The following GRIA3 variants were observed in gnomAD, a reference collection of about 807,000 sequenced individuals.
GRIA3 encodes glutamate ionotropic receptor AMPA type subunit 3, also known as glutamate receptor 3.
In GRIA3, 3 loss-of-function variants were observed where a neutral mutation model predicts 63.0. That is an observed-to-expected ratio of 0.05 (90% CI 0.02 to 0.12). The LOEUF (loss-of-function observed/expected upper bound fraction) is 0.12. Ranked by LOEUF, GRIA3 falls within the 10% of genes least tolerant of loss-of-function variation. The probability of loss-of-function intolerance (pLI) is 1.00; values close to 1 mark genes in which losing one functional copy is unlikely to be tolerated. For missense variants in GRIA3, 347 were observed against 700.9 expected (o/e 0.50, Z 5.70); for synonymous variants, 274 against 257.9 (o/e 1.06, Z -0.60).
intron 4 of GRIA3, among the ~76,000 whole-genome samples, chrX:123,348,526 A>T (rs1603105570): frequency 8.9e-6 from 1 of 111,910 alleles, no homozygotes; most frequent in Non-Finnish European, 1.9e-5. Flanking sequence ...CCAAATATAA[A>T]CAGGGTGCCA....
At chrX:123,409,256 A>G (rs1000818373) in intron 10 of GRIA3, among the ~76,000 whole-genome samples, 14 of 112,357 alleles carry the variant, frequency 1.2e-4, no homozygotes, top group African/African-American at 4.5e-4. Context: ...CAGAGTGGAA[A>G]GAATGAAAAA....
chrX:123,462,181 T>C (rs1455407443), intron 12 of GRIA3, among the ~76,000 whole-genome samples: 2 of 111,611 alleles, frequency 1.8e-5, no homozygotes, highest in African/African-American at 6.5e-5. Flanking sequence ...CTAATTTCCC[T>C]TTCTTCCACT....
chrX:123,265,255 G>A (rs1363021834), intron 3 of GRIA3, among the ~76,000 whole-genome samples: 1 of 112,038 alleles, frequency 8.9e-6, no homozygotes, highest in African/African-American at 3.2e-5. Context: ...TAACATGGGA[G>A]TAGGGGGTTT....
chrX:123,229,512 C>A (rs1302889885), intron 2 of GRIA3, among the ~76,000 whole-genome samples: 1 of 112,125 alleles, frequency 8.9e-6, no homozygotes, highest in Non-Finnish European at 1.9e-5. Flanking sequence ...TGTGCTCGTT[C>A]CCTCAGCAGC....
intron 2 of GRIA3, among the ~76,000 whole-genome samples, chrX:123,201,871 C>A (rs1016399478): frequency 1.8e-5 from 2 of 111,485 alleles, no homozygotes; most frequent in Admixed American, 1.9e-4. Flanking sequence ...AGTGATGGGT[C>A]GGGGGAGGAT....
At chrX:123,463,712 G>GAA (rs1160505752) in intron 12 of GRIA3, among the ~76,000 whole-genome samples, 3 of 96,047 alleles carry the variant, frequency 3.1e-5, no homozygotes, top group East Asian at 6.4e-4. Context: ...AAGAAAGAAA[G>GAA]AAAGAAAGAA....
chrX:123,284,216 G>C (rs1391307243), intron 3 of GRIA3, among the ~76,000 whole-genome samples: 1 of 112,179 alleles, frequency 8.9e-6, no homozygotes, highest in Admixed American at 9.4e-5. Context: ...TCAACAAAAA[G>C]GATGTCCACA....
rs1603136113 is a variant in GRIA3 at position 123,403,161 on chromosome X, A to C, written c.1185+63A>C. 6.0e-6 allele frequency: 4 copies of C among 665,536 alleles called. No homozygotes were observed. In the East Asian group the frequency reaches 1.3e-4, roughly 22 times the overall value. 54.8% of individuals were successfully genotyped at this position (665,536 alleles called of 1,213,427 possible). The stretch of plus-strand genomic sequence containing the variant: ...TTGAAAGAGGACAGCATTTGGATGT[A>C]AGAAAATAAGTATTATTATTTTACA... On this transcript the variant is annotated intron_variant, in intron 8 of 15. Transcript: ENST00000620443.
chrX:123,212,997 C>A (rs1385100169), intron 2 of GRIA3, among the ~76,000 whole-genome samples: 1 of 111,643 alleles, frequency 9.0e-6, no homozygotes, highest in African/African-American at 3.3e-5. Flanking sequence ...ACTGCCTGAG[C>A]TCTGCCTCCT....
At chrX:123,190,705 C>CT (rs933383983) in intron 2 of GRIA3, among the ~76,000 whole-genome samples, 2 of 112,161 alleles carry the variant, frequency 1.8e-5, no homozygotes, top group Non-Finnish European at 3.8e-5. Flanking sequence ...GCAATTTTAA[C>CT]TTTTTTTCCC....
chrX:123,421,050 A>AT (rs202051283), intron 11 of GRIA3, among the ~76,000 whole-genome samples: 64 of 107,744 alleles, frequency 5.9e-4, no homozygotes, highest in Non-Finnish European at 1.0e-3. Context: ...CTATTGTGTC[A>AT]TTTTTTTTTT....
At chrX:123,220,362 T>C (rs1431810369) in intron 2 of GRIA3, among the ~76,000 whole-genome samples, 1 of 112,216 alleles carries the variant, frequency 8.9e-6, no homozygotes, top group African/African-American at 3.2e-5. Context: ...CATATATAGA[T>C]AGCTTGAAGA....
At chrX:123,287,397 A>G (rs984033833) in intron 3 of GRIA3, among the ~76,000 whole-genome samples, 10 of 111,904 alleles carry the variant, frequency 8.9e-5, no homozygotes, top group Non-Finnish European at 1.9e-4. Context: ...TCAACATAGT[A>G]TTGGAAGTTC....
intron 5 of GRIA3, among the ~76,000 whole-genome samples, chrX:123,366,982 T>A (rs1387728883): frequency 8.9e-6 from 1 of 111,814 alleles, no homozygotes; most frequent in East Asian, 2.8e-4. Flanking sequence ...GTCATCCTTT[T>A]GAAAAAGCAG....
intron 4 of GRIA3, among the ~76,000 whole-genome samples, chrX:123,338,519 G>A (rs1419272599): frequency 2.7e-5 from 3 of 112,050 alleles, no homozygotes; most frequent in Non-Finnish European, 5.6e-5. Flanking sequence ...GAATGCATGC[G>A]TGACAATTTC....
chrX:123,288,609 T>A lies in GRIA3; in HGVS notation c.508+35067T>A, dbSNP rs150849202. On this transcript the variant is annotated intron_variant, in intron 3 of 15. Coordinates refer to ENST00000620443, the MANE Select transcript of GRIA3 (RefSeq NM_007325.5). ...ACCCCATCTAAAAGTGGGCAAAGGATATGAACAGACACTTATCAAAAGAAG... is the reference window on the plus strand; with the variant it reads ...ACCCCATCTAAAAGTGGGCAAAGGAAATGAACAGACACTTATCAAAAGAAG... 4.0e-4 allele frequency among the ~76,000 whole-genome samples: 44 copies of A among 110,965 alleles called. No homozygotes were observed. In the East Asian group the frequency reaches 9.3e-3, roughly 24 times the overall value.
intron 3 of GRIA3, among the ~76,000 whole-genome samples, chrX:123,257,507 G>A (rs2147285367): frequency 9.2e-6 from 1 of 109,169 alleles, no homozygotes; most frequent in Admixed American, 9.8e-5. Flanking sequence ...GAGGGAGGGA[G>A]GGAAAGCAGG....
intron 3 of GRIA3, among the ~76,000 whole-genome samples, chrX:123,264,592 C>G (rs761228371): frequency 6.3e-5 from 7 of 111,985 alleles, no homozygotes; most frequent in African/African-American, 2.3e-4. Flanking sequence ...GACTGGCAGA[C>G]AGGAGAACTA....
chrX:123,358,976 GA>G (rs1365092756), intron 5 of GRIA3, among the ~76,000 whole-genome samples: 1 of 110,592 alleles, frequency 9.0e-6, no homozygotes, highest in African/African-American at 3.3e-5. Context: ...ATAATAAGAA[GA>G]AAAAAAAGCA....
Sources: allele counts gnomAD v4.1 joint callset (sites outside exome capture counted in the v4.1 genomes callset), GRCh38; gene constraint gnomAD v4.1.1; transcripts MANE v1.5; gene names NCBI Gene and HGNC (gene_info 2026-07-23, HGNC 2026-07-21).